Variants in MAP4K3 observed in about 807,000 individuals in gnomAD.
MAP4K3 encodes the protein mitogen-activated protein kinase kinase kinase kinase 3, also known as MAPK/ERK kinase kinase kinase 3.
In MAP4K3, 94 loss-of-function variants were observed where a neutral mutation model predicts 143.5. The ratio of observed to expected loss-of-function variants is 0.65; its 90% confidence interval spans 0.55 to 0.78. The LOEUF is 0.78. Ranked by LOEUF, MAP4K3 falls within the 30% of genes least tolerant of loss-of-function variation. MAP4K3 has a pLI of 0.00. For missense variants in MAP4K3, 1,077 were observed against 1,068.1 expected (o/e 1.01, Z -0.12); for synonymous variants, 416 against 347.2 (o/e 1.20, Z -2.20).
chr2:39,285,227 T>G (rs1191110715), intron 21 of MAP4K3, among the ~76,000 whole-genome samples: 3 of 152,212 alleles, frequency 2.0e-5, no homozygotes, highest in African/African-American at 4.8e-5. Context: ...CATGCTTCAA[T>G]ATATCACTGA....
Position 39,421,371 on chromosome 2 carries a change from T to A in MAP4K3, c.96+15521A>T, listed in dbSNP as rs1667542636. On this transcript the variant is annotated intron_variant, in intron 1 of 33. Transcript: ENST00000263881. ...TACTAGATTTATTGACTTGGGCATT[T>A]TTTTTTTTTTTTTTTTTTTTGTAGA... Among the ~76,000 whole-genome samples, 5 of 2,160 alleles carry A rather than the reference T, an allele frequency of 2.3e-3. No individual in the cohort carries two copies. The South Asian group carries it at 0.33, about 144-fold the overall frequency. 1.4% of individuals were successfully genotyped at this position (2,160 alleles called of 152,430 possible).
intron 2 of MAP4K3, among the ~76,000 whole-genome samples, chr2:39,367,288 T>C (rs1222639253): frequency 6.6e-6 from 1 of 152,202 alleles, no homozygotes; most frequent in Non-Finnish European, 1.5e-5. Flanking sequence ...ACACCTGTAG[T>C]CCCAGAACTT....
chr2:39,296,413 C>T (rs1324311758), intron 16 of MAP4K3, among the ~76,000 whole-genome samples: 1 of 152,166 alleles, frequency 6.6e-6, no homozygotes, highest in Non-Finnish European at 1.5e-5. Context: ...CACTTGAATT[C>T]TTCTCTTATG....
Position 39,392,604 on chromosome 2 carries a change from T to C in MAP4K3, c.97-14481A>G, listed in dbSNP as rs142289601. On this transcript the variant is annotated intron_variant, in intron 1 of 33. Transcript: ENST00000263881. ...TGAGAAAAATGTTTACAGACTCCAT[T>C]AGCTGTCACTATGGTCTGAATGGGT... is the stretch of plus-strand genomic sequence containing the variant. Among the ~76,000 whole-genome samples the C allele has an allele frequency of 2.6e-3, 402 of 152,306 alleles. 1 individual carries two copies. The highest frequency in any genetic ancestry group is 9.0e-3 in the African/African-American group (374 of 41,566).
intron 16 of MAP4K3, 52 bp downstream of exon 16, chr2:39,299,691 G>T: frequency 3.1e-6 from 3 of 957,896 alleles, no homozygotes; most frequent in East Asian, 2.7e-5. Context: ...AATATTAAAG[G>T]CAACTTAATA....
chr2:39,331,506 G>A (rs1683679936), intron 8 of MAP4K3, among the ~76,000 whole-genome samples: 1 of 152,074 alleles, frequency 6.6e-6, no homozygotes. Context: ...AGGCAACCAA[G>A]ACATGCCAAA....
At chr2:39,290,817 T>G (rs1048037515) in intron 18 of MAP4K3, among the ~76,000 whole-genome samples, 3 of 152,182 alleles carry the variant, frequency 2.0e-5, no homozygotes, top group African/African-American at 7.2e-5. Flanking sequence ...ACGCCTGTAA[T>G]TCCAGCACTT....
At chr2:39,342,759 G>GA (rs1230369761) in intron 4 of MAP4K3, among the ~76,000 whole-genome samples, 1 of 151,540 alleles carries the variant, frequency 6.6e-6, no homozygotes, top group Non-Finnish European at 1.5e-5. Flanking sequence ...GAAAAAATGA[G>GA]AAAAAAGGTC....
intron 2 of MAP4K3, among the ~76,000 whole-genome samples, chr2:39,362,610 T>C (rs1665801403): frequency 1.3e-5 from 2 of 152,218 alleles, no homozygotes; most frequent in South Asian, 2.1e-4. Flanking sequence ...ATTGTTAAAA[T>C]GTTCGTACTA....
At position 39,281,959 on chromosome 2, in the gene MAP4K3, C is replaced by T. The variant is rs112846494; in HGVS notation, c.1629+554G>A. Reference sequence around the variant, plus strand: ...TTGTGATCCCAGCACTTTGGGAGGCCGAGGTGCACACATCACCTGAGGTCA... The same window carrying T: ...TTGTGATCCCAGCACTTTGGGAGGCTGAGGTGCACACATCACCTGAGGTCA... On this transcript the variant is annotated intron_variant, in intron 22 of 33. Transcript: ENST00000263881. 1.4e-3 allele frequency among the ~76,000 whole-genome samples: 206 copies of T among 151,984 alleles called. 3 individuals carry two copies. Among genetic ancestry groups the T allele is most frequent in the African/African-American group, 4.7e-3 (194 of 41,492 alleles).
At chr2:39,407,331 A>C (rs928102761) in intron 1 of MAP4K3, among the ~76,000 whole-genome samples, 119 of 151,554 alleles carry the variant, frequency 7.9e-4, no homozygotes, top group African/African-American at 2.7e-3. Flanking sequence ...TGCTCTCACC[A>C]CTTCTATTAA....
At chr2:39,406,820 A>C (rs931409260) in intron 1 of MAP4K3, among the ~76,000 whole-genome samples, 1 of 152,214 alleles carries the variant, frequency 6.6e-6, no homozygotes, top group African/African-American at 2.4e-5. Context: ...ACACAGAAAA[A>C]CAGAATATTA....
rs529293866 is a variant in MAP4K3 at position 39,295,627 on chromosome 2, T to C, written c.1179-2359A>G. Among the ~76,000 whole-genome samples the C allele has an allele frequency of 1.1e-4, 17 of 152,142 alleles. No individual in the cohort carries two copies. The South Asian group carries it at 3.5e-3, about 32-fold the overall frequency. ...CAATCTTTTTTGAGATATTTCTTTT[T>C]ACAATAGAAAATATTAGGATTTGAA... On this transcript the variant is annotated intron_variant, in intron 16 of 33. Transcript: ENST00000263881.
chr2:39,318,324 A>G (rs1683187345), intron 12 of MAP4K3, among the ~76,000 whole-genome samples: 1 of 152,144 alleles, frequency 6.6e-6, no homozygotes, highest in Non-Finnish European at 1.5e-5. Flanking sequence ...GAATATGTAC[A>G]TGAATCCCCC....
chr2:39,359,753 C>T (rs1665713488), intron 2 of MAP4K3, among the ~76,000 whole-genome samples: 1 of 152,272 alleles, frequency 6.6e-6, no homozygotes, highest in Admixed American at 6.5e-5. Flanking sequence ...AGCTGCCAGG[C>T]TTGGGGCTTG....
Position 39,437,162 on chromosome 2 carries a change from G to C in MAP4K3, c.-175C>G, listed in dbSNP as rs1157526665. On this transcript the variant is annotated 5_prime_UTR_variant, in exon 1 of 34. Coordinates refer to ENST00000263881, the MANE Select transcript of MAP4K3 (RefSeq NM_003618.4). Reference sequence around the variant, plus strand: ...CCGCTCCCCTCACGCCGCTGCGGACGACGACAAGCGGCCAATCGTCCCCGC... The same window carrying C: ...CCGCTCCCCTCACGCCGCTGCGGACCACGACAAGCGGCCAATCGTCCCCGC... 5.0e-6 allele frequency: 2 copies of C among 400,058 alleles called. No individual in the cohort carries two copies. Among genetic ancestry groups the C allele is most frequent in the Admixed American group, 4.7e-5 (1 of 21,290 alleles). The allele number at this position is 400,058 out of a possible 1,614,324, so 24.8% of individuals were successfully genotyped here. A position where few individuals can be genotyped will look rare whatever the true frequency, so the allele number is the denominator to read the frequency against.
intron 3 of MAP4K3, among the ~76,000 whole-genome samples, chr2:39,349,376 A>G (rs1011072661): frequency 1.3e-5 from 2 of 152,170 alleles, no homozygotes; most frequent in Admixed American, 1.3e-4. Context: ...AGGATGCTGT[A>G]CTCAGGGGGA....
At chr2:39,436,252 T>C (rs1038614493) in intron 1 of MAP4K3, among the ~76,000 whole-genome samples, 7 of 152,124 alleles carry the variant, frequency 4.6e-5, no homozygotes, top group Non-Finnish European at 5.9e-5. Flanking sequence ...CAAGTCACTT[T>C]TTAAAAAACA....
intron 1 of MAP4K3, among the ~76,000 whole-genome samples, chr2:39,383,614 T>G (rs1172555327): frequency 6.6e-6 from 1 of 151,528 alleles, no homozygotes; most frequent in East Asian, 1.9e-4. Context: ...ATTGTACCGG[T>G]AGAATTATTA....
Sources: gnomAD v4.1 joint callset for allele counts (sites outside exome capture counted in the v4.1 genomes callset) on GRCh38, gnomAD v4.1.1 for gene constraint, MANE v1.5 for transcripts, NCBI Gene and HGNC (gene_info 2026-07-23, HGNC 2026-07-21) for gene names.